Variants in RHPN2 observed in about 807,000 individuals in gnomAD.
The protein encoded by RHPN2 is rhophilin Rho GTPase binding protein 2.
RHPN2 carries 40 observed loss-of-function variants against 79.0 expected under a neutral mutation model. The ratio of observed to expected loss-of-function variants is 0.51; its 90% CI spans 0.39 to 0.66. RHPN2 has a LOEUF of 0.66. Ranked by LOEUF, RHPN2 falls within the 30% of genes least tolerant of loss-of-function variation. The probability of loss-of-function intolerance (pLI) is 0.00; values close to 1 mark genes in which losing one functional copy is unlikely to be tolerated. For missense variants in RHPN2, 686 were observed against 883.5 expected, an observed-to-expected ratio of 0.78 and a Z score of 2.83; for synonymous variants, 285 against 363.5, an observed-to-expected ratio of 0.78 and a Z score of 2.46.
intron 12 of RHPN2, among the ~76,000 whole-genome samples, chr19:32,993,256 C>T (rs904858944): frequency 3.9e-5 from 6 of 152,118 alleles, no homozygotes; most frequent in Non-Finnish European, 1.5e-5. Flanking sequence ...GAGCGGATCA[C>T]TGGAGCCCAG....
chr19:33,000,191 C>A (rs1971737823), intron 9 of RHPN2, among the ~76,000 whole-genome samples: 1 of 151,022 alleles, frequency 6.6e-6, no homozygotes, highest in Non-Finnish European at 1.5e-5. Flanking sequence ...CTCTTGCTCA[C>A]TGGGACCAGT....
At chr19:32,983,493 T>G (rs1412794388) in intron 14 of RHPN2, among the ~76,000 whole-genome samples, 1 of 150,750 alleles carries the variant, frequency 6.6e-6, no homozygotes, top group Non-Finnish European at 1.5e-5. Context: ...CCAGCCTGGG[T>G]GACAGAACGA....
At chr19:33,038,286 A>G (rs1392399066) in intron 2 of RHPN2, among the ~76,000 whole-genome samples, 1 of 146,350 alleles carries the variant, frequency 6.8e-6, no homozygotes, top group Non-Finnish European at 1.5e-5. Context: ...GAGGCAACAG[A>G]GCGAGACTCC....
intron 3 of RHPN2, among the ~76,000 whole-genome samples, chr19:33,023,860 C>G (rs1455701228): frequency 6.6e-6 from 1 of 151,934 alleles, no homozygotes; most frequent in Admixed American, 6.6e-5. Context: ...TGAATCTGCA[C>G]AGCTCTCCCT....
At chr19:33,064,082 G>A (rs1009866133) in intron 1 of RHPN2, among the ~76,000 whole-genome samples, 12 of 152,120 alleles carry the variant, frequency 7.9e-5, no homozygotes, top group African/African-American at 2.7e-4. Flanking sequence ...AGTGGCTCAC[G>A]CCTGTAATCC....
intron 9 of RHPN2, 107 bp from the exon 10 acceptor site, chr19:32,999,812 A>G: frequency 6.9e-7 from 1 of 1,457,382 alleles, no homozygotes; most frequent in Non-Finnish European, 9.4e-7. Context: ...CAGTTTCACA[A>G]GGCATTTGGG....
chr19:33,051,853 T>TC (rs1257328453), intron 1 of RHPN2, among the ~76,000 whole-genome samples: 1 of 144,028 alleles, frequency 6.9e-6, no homozygotes, highest in African/African-American at 2.8e-5. Context: ...CAACCCTGTC[T>TC]CAAGCAAAAA....
In RHPN2 at chr19:32,993,981, T is replaced by C; in HGVS notation, c.1493A>G (p.Lys498Arg). ...SKLTVTDFFQ[K>R]LGPLSVFSAN... ...TGTAGAGAGCATTCAACATACCAGC[T>C]TCTGGAAGAAGTCCGTGACTGTCAG... Residue 498 changes from lysine (K) to arginine (R), a missense_variant, in exon 12 of 15, where the codon AAG becomes AGG. Physicochemically the swap from Lys to Arg is conservative, Grantham distance 26. Transcript: ENST00000254260. 6.2e-7 allele frequency: 1 copy of C among 1,611,346 alleles called. No homozygotes were observed.
At chr19:33,055,363 TAA>T (rs1355476023) in intron 1 of RHPN2, among the ~76,000 whole-genome samples, 2 of 142,152 alleles carry the variant, frequency 1.4e-5, no homozygotes, top group Non-Finnish European at 3.1e-5. Flanking sequence ...CTGTCATCTT[TAA>T]AAAAAAAAAA....
intron 2 of RHPN2, among the ~76,000 whole-genome samples, chr19:33,041,799 T>C (rs909476472): frequency 1.3e-5 from 2 of 152,160 alleles, no homozygotes. Flanking sequence ...TACTTGTCTA[T>C]AAAAGTCTCC....
chr19:32,988,212 C>CAACAAA (rs1555709781), intron 14 of RHPN2, among the ~76,000 whole-genome samples: 1 of 138,696 alleles, frequency 7.2e-6, no homozygotes. Flanking sequence ...ACAACAACAA[C>CAACAAA]AAAAAAAAAA....
chr19:32,987,373 G>A (rs1255900033), intron 14 of RHPN2, among the ~76,000 whole-genome samples: 1 of 152,026 alleles, frequency 6.6e-6, no homozygotes, highest in African/African-American at 2.4e-5. Context: ...TATATCCATG[G>A]ACTCAAAATC....
chr19:33,041,027 G>T (rs1231322771), intron 2 of RHPN2, among the ~76,000 whole-genome samples: 1 of 152,142 alleles, frequency 6.6e-6, no homozygotes, highest in African/African-American at 2.4e-5. Flanking sequence ...ACTCCAGGAA[G>T]CTCATGGACT....
intron 2 of RHPN2, among the ~76,000 whole-genome samples, chr19:33,034,904 G>A (rs1972044859): frequency 6.6e-6 from 1 of 151,952 alleles, no homozygotes; most frequent in South Asian, 2.1e-4. Context: ...TTCAAGACCA[G>A]CCGAAGCAAC....
chr19:33,026,524 C>G lies in RHPN2; in HGVS notation c.294G>C (p.Val98=), dbSNP rs771269667. 3.1e-6 allele frequency: 5 copies of G among 1,608,196 alleles called. No homozygotes were observed. The highest frequency in any genetic ancestry group is 1.3e-5 in the African/African-American group (1 of 74,938). ...CTTACTCTGTGTTCTGATAGACGCC[C>G]ACCGAGATGTTCAGCCCCTCCAGCT... is the stretch of plus-strand genomic sequence containing the variant. ...KEELEGLNIS[V]GVYQNTEEAF... is the part of the protein sequence containing the mutation. The change falls in exon 3 of 15, where the codon GTG becomes GTC. Residue 98 remains valine, a synonymous_variant. Coordinates refer to ENST00000254260, the MANE Select transcript of RHPN2 (RefSeq NM_033103.5).
intron 1 of RHPN2, among the ~76,000 whole-genome samples, chr19:33,059,304 T>TC (rs1224852420): frequency 1.4e-5 from 2 of 147,074 alleles, no homozygotes. Context: ...CTTTTATCAT[T>TC]TTTTTTTTTT....
At chr19:33,036,868 G>A (rs1395563565) in intron 2 of RHPN2, among the ~76,000 whole-genome samples, 1 of 136,008 alleles carries the variant, frequency 7.4e-6, no homozygotes, top group African/African-American at 3.4e-5. Context: ...CGCCATGCCT[G>A]AGCCCCCCCG....
chr19:33,057,618 G>A (rs1238472661), intron 1 of RHPN2, among the ~76,000 whole-genome samples: 1 of 151,138 alleles, frequency 6.6e-6, no homozygotes, highest in Non-Finnish European at 1.5e-5. Flanking sequence ...AGAGGCTGTG[G>A]TGAGCCAAGA....
At chr19:33,063,950 G>A (rs1395221307) in intron 1 of RHPN2, among the ~76,000 whole-genome samples, 1 of 152,208 alleles carries the variant, frequency 6.6e-6, no homozygotes, top group Non-Finnish European at 1.5e-5. Context: ...ACGACCCGGA[G>A]CGGAGGAGGG....
Sources: gnomAD v4.1 joint callset for allele counts (sites outside exome capture counted in the v4.1 genomes callset) on GRCh38, gnomAD v4.1.1 for gene constraint, MANE v1.5 for transcripts, NCBI Gene and HGNC (gene_info 2026-07-23, HGNC 2026-07-21) for gene names.